The following GAB1 variants were observed in gnomAD, a reference collection of about 807,000 sequenced individuals.
The protein encoded by GAB1 is GRB2 associated binding protein 1.
In GAB1, 19 loss-of-function variants were observed where a neutral mutation model predicts 66.5. The ratio of observed to expected loss-of-function variants is 0.29; its 90% CI spans 0.20 to 0.42. The LOEUF (loss-of-function observed/expected upper bound fraction) is 0.42, where lower values mean the gene tolerates loss of function less well. Ranked by LOEUF, GAB1 falls within the 10% of genes least tolerant of loss-of-function variation. The pLI is 1.00. For synonymous variants in GAB1, 294 were observed against 301.4 expected, an observed-to-expected ratio of 0.98 and a Z score of 0.25; for missense variants, 732 against 858.5, an observed-to-expected ratio of 0.85 and a Z score of 1.84.
intron 1 of GAB1, among the ~76,000 whole-genome samples, chr4:143,397,955 T>C (rs577175175): frequency 2.0e-4 from 31 of 152,310 alleles, no homozygotes; most frequent in African/African-American, 5.8e-4. Context: ...AAAAGATAAA[T>C]GAACAGAGGA....
chr4:143,350,768 A>T (rs1385117688), intron 1 of GAB1, among the ~76,000 whole-genome samples: 4 of 152,034 alleles, frequency 2.6e-5, no homozygotes, highest in South Asian at 2.1e-4. Context: ...AAATATATTT[A>T]AAAATATGTA....
intron 2 of GAB1, chr4:143,425,745 G>A: frequency 1.3e-6 from 1 of 761,186 alleles, no homozygotes; most frequent in Non-Finnish European, 2.4e-6. Context: ...GACTGCTCCA[G>A]CTCCTGAGTT....
intron 6 of GAB1, among the ~76,000 whole-genome samples, chr4:143,454,591 C>G (rs1735085043): frequency 6.6e-6 from 1 of 152,136 alleles, no homozygotes; most frequent in South Asian, 2.1e-4. Flanking sequence ...AGAGTCATGG[C>G]AAGTCATTTC....
intron 3 of GAB1, among the ~76,000 whole-genome samples, chr4:143,436,639 A>G (rs2149752178): frequency 6.6e-6 from 1 of 152,260 alleles, no homozygotes; most frequent in Non-Finnish European, 1.5e-5. Context: ...GTGACTGGAA[A>G]TCAAAGAGAA....
chr4:143,363,962 G>A (rs1471801078), intron 1 of GAB1, among the ~76,000 whole-genome samples: 1 of 152,052 alleles, frequency 6.6e-6, no homozygotes. Context: ...ACTTTGGGAG[G>A]CTGAGTTGGG....
At chr4:143,404,825 G>A (rs1353316502) in intron 1 of GAB1, among the ~76,000 whole-genome samples, 2 of 152,146 alleles carry the variant, frequency 1.3e-5, no homozygotes, top group African/African-American at 2.4e-5. Context: ...AATTAAATAA[G>A]TTAGAAAATC....
chr4:143,395,754 G>T (rs1353865853), intron 1 of GAB1: 2 of 365,616 alleles, frequency 5.5e-6, no homozygotes, highest in Non-Finnish European at 1.1e-5. Context: ...ATAGAACTCT[G>T]TTATTAGCCA....
At chr4:143,445,559 GTTTC>G (rs779041975) in intron 6 of GAB1, among the ~76,000 whole-genome samples, 112 of 152,084 alleles carry the variant, frequency 7.4e-4, no homozygotes, top group Non-Finnish European at 2.2e-4. Context: ...TCTGTTGATA[GTTTC>G]TTTTGCTGTG....
intron 6 of GAB1, among the ~76,000 whole-genome samples, chr4:143,454,980 G>A (rs1275534256): frequency 6.6e-6 from 1 of 151,766 alleles, no homozygotes; most frequent in African/African-American, 2.4e-5. Flanking sequence ...TCTAGGAATA[G>A]GTTTTAAAAG....
Position 143,384,113 on chromosome 4 carries a change from C to T in GAB1, c.73-31364C>T, listed in dbSNP as rs573509094. ...AAGATATGTGAAATTAAAAAGTCCA[C>T]TTTGGTGATAAGGTCTTCCTTCTAA... On this transcript the variant is annotated intron_variant, in intron 1 of 9. Transcript: ENST00000262994. 5.1e-4 allele frequency among the ~76,000 whole-genome samples: 78 copies of T among 152,190 alleles called. No homozygotes were observed. In the Middle Eastern group the frequency reaches 0.01, roughly 20 times the overall value.
rs1732886333 is a variant in GAB1, at chr4:143,419,281, T to A, written c.367+3510T>A. On this transcript the variant is annotated intron_variant, in intron 2 of 9. Transcript: ENST00000262994. ...TATGGAAGTTTATGAATATAGTTCT[T>A]GTGCTCATAGAGCTTACAGTCAGTC... 5.3e-5 allele frequency among the ~76,000 whole-genome samples: 8 copies of A among 152,276 alleles called. 1 individual carries two copies. In the South Asian group the frequency reaches 1.7e-3, roughly 32 times the overall value.
At chr4:143,350,154 G>A in intron 1 of GAB1, 1 of 793,200 alleles carries the variant, frequency 1.3e-6, no homozygotes, top group Non-Finnish European at 2.0e-6. Flanking sequence ...ATTTTTAAAA[G>A]AAAATATTAA....
intron 6 of GAB1, among the ~76,000 whole-genome samples, chr4:143,453,093 G>T (rs1395139478): frequency 6.6e-6 from 1 of 151,954 alleles, no homozygotes; most frequent in Non-Finnish European, 1.5e-5. Context: ...TATTCTTTGG[G>T]CATGATTTTC....
At position 143,433,578 on chromosome 4, in the gene GAB1, A is replaced by G. The variant is rs776589442; in HGVS notation, c.455A>G (p.Asp152Gly). Residue 152 changes from aspartate to glycine, a missense_variant, in exon 3 of 10, where the codon GAT becomes GGT. This residue lies in a region of GAB1 where 427 missense variants were observed against 420.6 expected (regional missense o/e 1.02). Transcript: ENST00000262994. ...ACAGCACCACCATCCACCCAGGCAG[A>G]TTCATCCTCTGCTACTCTACCTCCT... The part of the protein sequence containing the change: ...INTAPPSTQA[D>G]SSSATLPPPY... 6.2e-7 allele frequency: 1 copy of G among 1,614,036 alleles called. No homozygotes were observed. Among genetic ancestry groups the G allele is most frequent in the Non-Finnish European group, 8.5e-7 (1 of 1,179,930 alleles).
chr4:143,418,160 T>C (rs182998746), intron 2 of GAB1, among the ~76,000 whole-genome samples: 1 of 152,294 alleles, frequency 6.6e-6, no homozygotes, highest in Admixed American at 6.5e-5. Flanking sequence ...GAAGGAAGGG[T>C]CCAGCTTAGC....
intron 1 of GAB1, among the ~76,000 whole-genome samples, chr4:143,385,066 T>C (rs1401827570): frequency 1.3e-5 from 2 of 152,162 alleles, no homozygotes; most frequent in Non-Finnish European, 2.9e-5. Context: ...AATGAACATA[T>C]CTGAGAGTCC....
chr4:143,364,868 CTTTTTTTT>C (rs745401852), intron 1 of GAB1, among the ~76,000 whole-genome samples: 2 of 86,770 alleles, frequency 2.3e-5, no homozygotes, highest in African/African-American at 5.5e-5. Flanking sequence ...CCTGCATCTA[CTTTTTTTT>C]TTTTTTTTTT....
intron 1 of GAB1, among the ~76,000 whole-genome samples, chr4:143,387,626 T>C (rs1730978617): frequency 6.6e-6 from 1 of 152,198 alleles, no homozygotes; most frequent in Non-Finnish European, 1.5e-5. Flanking sequence ...CGATTCTTGC[T>C]TATCAGCAGT....
At chr4:143,459,058 A>C (rs1735348488) in intron 6 of GAB1, among the ~76,000 whole-genome samples, 1 of 152,142 alleles carries the variant, frequency 6.6e-6, no homozygotes, top group Non-Finnish European at 1.5e-5. Flanking sequence ...AAACATATAA[A>C]GCAACCATAG....
Sources: allele counts gnomAD v4.1 joint callset (sites outside exome capture counted in the v4.1 genomes callset), GRCh38; gene constraint gnomAD v4.1.1; regional missense constraint gnomAD v4.1.1; transcripts MANE v1.5; gene names NCBI Gene and HGNC (gene_info 2026-07-23, HGNC 2026-07-21).